Variants in DGKI observed in about 807,000 individuals in gnomAD.
The protein encoded by DGKI is diacylglycerol kinase iota.
Under a neutral mutation model 147.5 loss-of-function variants are expected in DGKI, and 55 were observed. The observed-to-expected ratio is 0.37, with a 90% CI of 0.30 to 0.47. DGKI has a LOEUF of 0.47. DGKI is among the 20% of genes least tolerant of loss of function. The pLI, the probability that DGKI is intolerant of heterozygous loss-of-function variation, is 1.00. For missense variants in DGKI, 1,007 were observed against 1,323.8 expected (o/e 0.76, Z 3.71); for synonymous variants, 469 against 477.1 (o/e 0.98, Z 0.22).
chr7:137,456,898 C>T (rs139771225), intron 27 of DGKI, among the ~76,000 whole-genome samples: 4 of 152,274 alleles, frequency 2.6e-5, no homozygotes, highest in Non-Finnish European at 4.4e-5. Flanking sequence ...AATCCATTTC[C>T]TCCGAGTGGT....
chr7:137,734,091 C>A (rs1002009538), intron 1 of DGKI, among the ~76,000 whole-genome samples: 3 of 152,132 alleles, frequency 2.0e-5, no homozygotes, highest in Non-Finnish European at 4.4e-5. Flanking sequence ...AGGGCCCCTG[C>A]AGATCCCTGT....
intron 28 of DGKI, among the ~76,000 whole-genome samples, chr7:137,421,489 A>C (rs193218406): frequency 2.5e-4 from 38 of 152,348 alleles, no homozygotes; most frequent in Non-Finnish European, 5.1e-4. Flanking sequence ...GAGAAAAAAC[A>C]AACAGCCTCC....
intron 7 of DGKI, 79 bp from the exon 8 acceptor site, chr7:137,620,019 G>GCACACACACACGCACA (rs1820686021): frequency 6.0e-6 from 3 of 502,464 alleles, no homozygotes; most frequent in Non-Finnish European, 1.1e-5. Context: ...ATGTACACAC[G>GCACACACACACGCACA]CACACACACA....
intron 30 of DGKI, among the ~76,000 whole-genome samples, chr7:137,402,025 G>C (rs572173508): frequency 9.5e-4 from 144 of 152,290 alleles, no homozygotes; most frequent in Non-Finnish European, 1.8e-3. Context: ...TTTTGGCAAG[G>C]AACCTAACTT....
chr7:137,505,561 A>G (rs975457689), intron 21 of DGKI, among the ~76,000 whole-genome samples: 2 of 152,206 alleles, frequency 1.3e-5, no homozygotes, highest in Non-Finnish European at 2.9e-5. Flanking sequence ...AGATTAAAAA[A>G]TAATGTTCAA....
At chr7:137,706,273 T>C (rs2116537242) in intron 1 of DGKI, among the ~76,000 whole-genome samples, 1 of 151,992 alleles carries the variant, frequency 6.6e-6, no homozygotes, top group East Asian at 1.9e-4. Context: ...GTCTCCTCTT[T>C]TCTGTAACTT....
chr7:137,594,522 G>A (rs1281477270), intron 12 of DGKI, among the ~76,000 whole-genome samples: 1 of 152,126 alleles, frequency 6.6e-6, no homozygotes, highest in Admixed American at 6.6e-5. Context: ...CCCAGTCAGT[G>A]AAAAATATTC....
At chr7:137,408,863 G>A (rs1412172071) in intron 29 of DGKI, among the ~76,000 whole-genome samples, 1 of 152,180 alleles carries the variant, frequency 6.6e-6, no homozygotes, top group Non-Finnish European at 1.5e-5. Flanking sequence ...GTGCCTGCAT[G>A]AAGCTTCTAA....
chr7:137,416,396 G>C (rs1017381118), intron 28 of DGKI, among the ~76,000 whole-genome samples: 1 of 152,114 alleles, frequency 6.6e-6, no homozygotes, highest in Non-Finnish European at 1.5e-5. Flanking sequence ...AAAAATCCTC[G>C]CAAGATGAAG....
intron 1 of DGKI, among the ~76,000 whole-genome samples, chr7:137,704,068 G>A (rs1726404311): frequency 6.6e-6 from 1 of 152,280 alleles, no homozygotes; most frequent in Admixed American, 6.5e-5. Flanking sequence ...AAAATTAGCT[G>A]AGTGTGGCAG....
chr7:137,407,254 A>C, intron 30 of DGKI, among the ~76,000 whole-genome samples: 1 of 152,252 alleles, frequency 6.6e-6, no homozygotes, highest in East Asian at 1.9e-4. Flanking sequence ...AAGGGTTTTT[A>C]GAGGCAGATG....
chr7:137,816,966 A>C (rs916528527), intron 1 of DGKI, among the ~76,000 whole-genome samples: 1 of 152,214 alleles, frequency 6.6e-6, no homozygotes, highest in African/African-American at 2.4e-5. Context: ...ACTAGATGCC[A>C]GTAGCATCCC....
At chr7:137,832,430 C>T (rs928065719) in intron 1 of DGKI, among the ~76,000 whole-genome samples, 34 of 152,332 alleles carry the variant, frequency 2.2e-4, no homozygotes, top group African/African-American at 7.9e-4. Context: ...AGGCTCAACA[C>T]CATGTGGAAG....
At chr7:137,844,032 C>A (rs1036365323) in intron 1 of DGKI, among the ~76,000 whole-genome samples, 1 of 152,034 alleles carries the variant, frequency 6.6e-6, no homozygotes, top group Non-Finnish European at 1.5e-5. Context: ...TCCTCAGGTG[C>A]CCCCAGAAGG....
At position 137,382,869 on chromosome 7, in the gene DGKI, C is replaced by T. The variant is rs1333544154; in HGVS notation, c.*8351G>A. The T allele has an allele frequency of 6.6e-6, 1 of 151,936 alleles. No homozygotes were observed. Among genetic ancestry groups the T allele is most frequent in the Non-Finnish European group, 1.5e-5 (1 of 67,938 alleles). 9.4% of individuals were successfully genotyped at this position (151,936 alleles called of 1,614,324 possible). On this transcript the variant is annotated 3_prime_UTR_variant, in exon 33 of 33. Transcript: ENST00000614521. Reference sequence around the variant, plus strand: ...TGACTTCCTCCCTCACCCAGTCAACCTGAAATCTAGGAACTCAAGCTGTAT... The same window carrying T: ...TGACTTCCTCCCTCACCCAGTCAACTTGAAATCTAGGAACTCAAGCTGTAT...
intron 3 of DGKI, among the ~76,000 whole-genome samples, chr7:137,669,322 T>C (rs1822759786): frequency 6.6e-6 from 1 of 152,176 alleles, no homozygotes. Flanking sequence ...GGGCCAGTAG[T>C]GGTTTTGGAG....
At chr7:137,488,715 C>T (rs1037938306) in intron 21 of DGKI, among the ~76,000 whole-genome samples, 3 of 152,102 alleles carry the variant, frequency 2.0e-5, no homozygotes, top group Non-Finnish European at 4.4e-5. Context: ...ATCCATAAAT[C>T]TGTCTGAAAA....
At chr7:137,660,112 G>A (rs1822371576) in intron 3 of DGKI, among the ~76,000 whole-genome samples, 1 of 152,164 alleles carries the variant, frequency 6.6e-6, no homozygotes, top group Admixed American at 6.5e-5. Flanking sequence ...GGCCAGTTGA[G>A]CTTACTGCCT....
At chr7:137,828,435 T>G (rs1166838420) in intron 1 of DGKI, among the ~76,000 whole-genome samples, 1 of 152,216 alleles carries the variant, frequency 6.6e-6, no homozygotes, top group Non-Finnish European at 1.5e-5. Context: ...GATGCTTTTT[T>G]TTAAGTACTT....
Sources: allele counts gnomAD v4.1 joint callset (sites outside exome capture counted in the v4.1 genomes callset), GRCh38; gene constraint gnomAD v4.1.1; transcripts MANE v1.5; gene names NCBI Gene and HGNC (gene_info 2026-07-23, HGNC 2026-07-21).